The following COG5 variants were observed in gnomAD, a reference collection of about 807,000 sequenced individuals.
COG5 encodes conserved oligomeric Golgi complex subunit 5.
In COG5, 86 loss-of-function variants were observed where a neutral mutation model predicts 110.4. The observed-to-expected ratio is 0.78, with a 90% confidence interval of 0.65 to 0.93. The LOEUF is 0.93. Among genes scored for constraint, COG5 ranks in the 40% least tolerant of loss-of-function variants. COG5 has a pLI of 0.00. For synonymous variants in COG5, 360 were observed against 334.6 expected (o/e 1.08, Z -0.83); for missense variants, 1,077 against 987.0 (o/e 1.09, Z -1.22).
At chr7:107,394,285 A>G (rs939251461) in intron 7 of COG5, among the ~76,000 whole-genome samples, 41 of 149,290 alleles carry the variant, frequency 2.7e-4, no homozygotes, top group Admixed American at 1.9e-3. Context: ...TTTTAAGTGA[A>G]AAAGATACTT....
At chr7:107,358,278 A>G (rs547460917) in intron 10 of COG5, among the ~76,000 whole-genome samples, 3 of 152,228 alleles carry the variant, frequency 2.0e-5, no homozygotes, top group Non-Finnish European at 4.4e-5. Context: ...CATAAAGACT[A>G]AATAGATTCA....
rs562543498 is a variant in COG5, at chr7:107,537,813, G to C, written c.417+10298C>G. The stretch of plus-strand genomic sequence containing the variant: ...ATGTCTCCAAGGAAGATACATAAAT[G>C]GCCAAAAGGCACCACAGAAGATGCT... On this transcript the variant is annotated intron_variant, in intron 5 of 21. Coordinates refer to ENST00000297135, the MANE Select transcript of COG5 (RefSeq NM_006348.5). 7.3e-5 allele frequency among the ~76,000 whole-genome samples: 11 copies of C among 151,046 alleles called. No individual in the cohort carries two copies. In the South Asian group the frequency reaches 2.3e-3, roughly 32 times the overall value.
chr7:107,370,817 T>TAC (rs1554425123), intron 8 of COG5, among the ~76,000 whole-genome samples: 359 of 148,710 alleles, frequency 2.4e-3, no homozygotes, highest in African/African-American at 8.3e-3. Context: ...TATATATATA[T>TAC]ACACACACAA....
At chr7:107,503,722 G>A (rs1301250541) in intron 6 of COG5, among the ~76,000 whole-genome samples, 1 of 152,054 alleles carries the variant, frequency 6.6e-6, no homozygotes, top group Non-Finnish European at 1.5e-5. Flanking sequence ...CACCTCCTTG[G>A]TTAAGTATAT....
At chr7:107,258,251 A>C in intron 15 of COG5, 22 bp downstream of exon 15, 4 of 1,450,656 alleles carry the variant, frequency 2.8e-6, no homozygotes, top group Non-Finnish European at 3.9e-6. Flanking sequence ...TTAAGTAAAA[A>C]AAAACTTAAT....
intron 12 of COG5, among the ~76,000 whole-genome samples, chr7:107,289,521 T>A (rs970615586): frequency 7.2e-5 from 11 of 152,182 alleles, no homozygotes; most frequent in African/African-American, 2.4e-4. Context: ...CACTTGTTAC[T>A]TTTTACAAAG....
chr7:107,388,030 A>T (rs2129055560), intron 7 of COG5, among the ~76,000 whole-genome samples: 1 of 152,350 alleles, frequency 6.6e-6, no homozygotes, highest in Non-Finnish European at 1.5e-5. Flanking sequence ...CCTTCAGGTT[A>T]TGACATCACT....
At chr7:107,539,806 C>T (rs1041140786) in intron 5 of COG5, among the ~76,000 whole-genome samples, 3 of 152,018 alleles carry the variant, frequency 2.0e-5, no homozygotes, top group East Asian at 1.9e-4. Flanking sequence ...TTTTAAACAA[C>T]TAGAAAATTG....
At chr7:107,295,068 T>C (rs180679910) in intron 12 of COG5, among the ~76,000 whole-genome samples, 6,568 of 40,316 alleles carry the variant, frequency 0.16, 250 homozygotes, top group African/African-American at 0.35. Flanking sequence ...CACACACACA[T>C]ATATATATAT....
intron 6 of COG5, among the ~76,000 whole-genome samples, chr7:107,484,336 G>A (rs117432963): frequency 0.011 from 1,600 of 152,256 alleles, 19 homozygotes; most frequent in Middle Eastern, 0.027. Context: ...CTTACAAGAG[G>A]TGAGCCACAA....
At chr7:107,336,760 A>G (rs1194386419) in intron 10 of COG5, among the ~76,000 whole-genome samples, 2 of 152,192 alleles carry the variant, frequency 1.3e-5, no homozygotes, top group Non-Finnish European at 2.9e-5. Context: ...AAACAAAATG[A>G]TGTACAGCAG....
rs958327342 is a variant in COG5 at position 107,452,015 on chromosome 7, A to G, written c.539-39383T>C. ...CCCTCACAGAACCATTCCTCCTACGAATGGTTCAGTGAGTAGACCTACTAT... is the reference window on the plus strand; with the variant it reads ...CCCTCACAGAACCATTCCTCCTACGGATGGTTCAGTGAGTAGACCTACTAT... On this transcript the variant is annotated intron_variant, in intron 6 of 21. Transcript: ENST00000297135. Among the ~76,000 whole-genome samples the G allele has an allele frequency of 2.6e-5, 4 of 152,090 alleles. No individual in the cohort carries two copies. The East Asian group carries it at 7.7e-4, about 29-fold the overall frequency.
intron 6 of COG5, among the ~76,000 whole-genome samples, chr7:107,433,327 T>C (rs1484783940): frequency 6.6e-6 from 1 of 152,166 alleles, no homozygotes; most frequent in Non-Finnish European, 1.5e-5. Context: ...TGTGTGTGCA[T>C]GCAGAAACAG....
At chr7:107,437,721 T>A (rs1432560071) in intron 6 of COG5, among the ~76,000 whole-genome samples, 1 of 152,154 alleles carries the variant, frequency 6.6e-6, no homozygotes, top group Non-Finnish European at 1.5e-5. Context: ...TAAACCATAA[T>A]CAAATCAGAC....
At position 107,312,439 on chromosome 7, in the gene COG5, A is replaced by G. The variant is rs17153998; in HGVS notation, c.1108+12001T>C. 9.2e-3 allele frequency among the ~76,000 whole-genome samples: 1,397 copies of G among 152,324 alleles called. 20 individuals carry two copies. The highest frequency in any genetic ancestry group is 0.032 in the African/African-American group (1,332 of 41,574). ...AGTGGGCTAAGTGCTGAAATCGGGT[A>G]CATTAAGAATTTTGTGGGAACTGAC... On this transcript the variant is annotated intron_variant, in intron 11 of 21. Transcript: ENST00000297135.
At chr7:107,271,354 A>C (rs889761674) in intron 14 of COG5, among the ~76,000 whole-genome samples, 30 of 152,250 alleles carry the variant, frequency 2.0e-4, no homozygotes, top group Middle Eastern at 3.4e-3. Flanking sequence ...AATTACATCA[A>C]ATCTACAGAT....
chr7:107,304,005 TAAAC>T (rs1485019280), intron 11 of COG5, among the ~76,000 whole-genome samples: 1 of 152,194 alleles, frequency 6.6e-6, no homozygotes, highest in African/African-American at 2.4e-5. Flanking sequence ...AAACTCACAT[TAAAC>T]AACCTAATTA....
rs542288098 is a variant in COG5 at position 107,522,847 on chromosome 7, C to CAT, written c.538+4388_538+4389dup. Among the ~76,000 whole-genome samples the CAT allele has an allele frequency of 6.6e-5, 10 of 152,166 alleles. No individual in the cohort carries two copies. In the South Asian group the frequency reaches 1.7e-3, roughly 25 times the overall value. On this transcript the variant is annotated intron_variant, in intron 6 of 21. Coordinates refer to ENST00000297135, the MANE Select transcript of COG5 (RefSeq NM_006348.5). Reference sequence around the variant, plus strand: ...CTAAATGTGTCAAAAATCAGTTGTTCATATATATGTGGGTCTATTTCTGAG... The same window carrying CAT: ...CTAAATGTGTCAAAAATCAGTTGTTCATATATATATGTGGGTCTATTTCTGAG...
chr7:107,229,598 G>A (rs1055884294), intron 19 of COG5, among the ~76,000 whole-genome samples: 4 of 151,968 alleles, frequency 2.6e-5, no homozygotes, highest in South Asian at 2.1e-4. Flanking sequence ...GTTATTCAAC[G>A]TTCCTTAAAA....
Sources: gnomAD v4.1 joint callset for allele counts (sites outside exome capture counted in the v4.1 genomes callset) on GRCh38, gnomAD v4.1.1 for gene constraint, MANE v1.5 for transcripts, NCBI Gene and HGNC (gene_info 2026-07-23, HGNC 2026-07-21) for gene names.